GMDS: variants seen among roughly 807,000 people sequenced by gnomAD.
GMDS encodes GDP-mannose 4,6 dehydratase.
Under a neutral mutation model 49.9 loss-of-function variants are expected in GMDS, and 20 were observed. The observed-to-expected ratio is 0.40, with a 90% confidence interval of 0.28 to 0.58. GMDS has a LOEUF of 0.58. Ranked by LOEUF, GMDS falls within the 20% of genes least tolerant of loss-of-function variation. The pLI, the probability that GMDS is intolerant of heterozygous loss-of-function variation, is 0.42. For synonymous variants in GMDS, 177 were observed against 178.6 expected, an observed-to-expected ratio of 0.99 and a Z score of 0.07; for missense variants, 362 against 481.4, an observed-to-expected ratio of 0.75 and a Z score of 2.32.
intron 7 of GMDS, among the ~76,000 whole-genome samples, chr6:1,869,515 T>G (rs1581277540): frequency 6.6e-6 from 1 of 152,154 alleles, no homozygotes; most frequent in Admixed American, 6.5e-5. Context: ...GCTGTCAAGG[T>G]CTAGCTCCTG....
At chr6:1,737,696 A>C (rs1767063547) in intron 8 of GMDS, among the ~76,000 whole-genome samples, 1 of 150,044 alleles carries the variant, frequency 6.7e-6, no homozygotes, top group African/African-American at 2.5e-5. Context: ...ATACATACAC[A>C]CACACGCACA....
At chr6:2,071,461 T>G (rs1771992999) in intron 4 of GMDS, among the ~76,000 whole-genome samples, 1 of 152,022 alleles carries the variant, frequency 6.6e-6, no homozygotes, top group Non-Finnish European at 1.5e-5. Context: ...ATAAATTTCT[T>G]GAGAACAAAG....
chr6:1,828,239 A>C (rs1046405843), intron 7 of GMDS, among the ~76,000 whole-genome samples: 2 of 152,138 alleles, frequency 1.3e-5, no homozygotes, highest in Admixed American at 6.5e-5. Flanking sequence ...GAGTTTGAGA[A>C]ACAGAAAGAA....
intron 9 of GMDS, among the ~76,000 whole-genome samples, chr6:1,682,354 C>A (rs6930694): frequency 6.6e-6 from 1 of 152,092 alleles, no homozygotes; most frequent in Non-Finnish European, 1.5e-5. Flanking sequence ...CTGCCAACCC[C>A]CGCCTCCTCA....
At chr6:1,912,869 T>A (rs1233812855) in intron 7 of GMDS, among the ~76,000 whole-genome samples, 1 of 152,128 alleles carries the variant, frequency 6.6e-6, no homozygotes, top group Non-Finnish European at 1.5e-5. Context: ...TCTGAAAATG[T>A]GCCCAGTGAC....
At chr6:2,010,598 C>CCT (rs1767500363) in intron 4 of GMDS, among the ~76,000 whole-genome samples, 1 of 151,972 alleles carries the variant, frequency 6.6e-6, no homozygotes, top group African/African-American at 2.4e-5. Flanking sequence ...CAAACAAGAG[C>CCT]TGAAAAAATT....
chr6:1,864,555 C>T (rs1310623164), intron 7 of GMDS, among the ~76,000 whole-genome samples: 2 of 152,100 alleles, frequency 1.3e-5, no homozygotes, highest in African/African-American at 4.8e-5. Flanking sequence ...GGAAAGCAAA[C>T]CCATGATCCC....
chr6:1,640,627 A>G lies in GMDS; in HGVS notation c.988-16087T>C, dbSNP rs1763300551. ...TATAAACAGCAGGGCAGGCTGTCTC[A>G]GGTGTGGTTCCAGAGCACATGGAAT... is the stretch of plus-strand genomic sequence containing the variant. On this transcript the variant is annotated intron_variant, in intron 9 of 10. Transcript: ENST00000380815. The surrounding 1 kb of genome is among the most constrained non-coding windows in gnomAD (Gnocchi z 4.0). Among the ~76,000 whole-genome samples the G allele has an allele frequency of 1.3e-5, 2 of 152,306 alleles. No homozygotes were observed. Among genetic ancestry groups the G allele is most frequent in the South Asian group, 4.1e-4 (2 of 4,826 alleles).
chr6:2,063,602 G>A (rs771892037), intron 4 of GMDS, among the ~76,000 whole-genome samples: 32 of 152,204 alleles, frequency 2.1e-4, no homozygotes, highest in Non-Finnish European at 4.0e-4. Context: ...TAACACTACA[G>A]TTAAAACCTT....
At chr6:1,861,263 T>C (rs1430328138) in intron 7 of GMDS, among the ~76,000 whole-genome samples, 1 of 152,188 alleles carries the variant, frequency 6.6e-6, no homozygotes, top group Non-Finnish European at 1.5e-5. Context: ...TGAGTTAGTG[T>C]TCATTCTGGG....
intron 4 of GMDS, among the ~76,000 whole-genome samples, chr6:1,965,334 G>C (rs7763272): frequency 0.031 from 4,654 of 152,308 alleles, 236 homozygotes; most frequent in African/African-American, 0.11. Flanking sequence ...AAGGATGGTT[G>C]TGTGTTTGCA....
intron 9 of GMDS, among the ~76,000 whole-genome samples, chr6:1,707,516 T>TG (rs11418949): frequency 0.42 from 58,915 of 141,910 alleles, 15,030 homozygotes; most frequent in South Asian, 0.6. Context: ...AGCAACCAGA[T>TG]GGAGGTGGGC....
intron 9 of GMDS, among the ~76,000 whole-genome samples, chr6:1,718,967 T>TA (rs1766270694): frequency 6.6e-6 from 1 of 152,258 alleles, no homozygotes; most frequent in Non-Finnish European, 1.5e-5. Flanking sequence ...TGGATATTGT[T>TA]ACACCAGGTT....
intron 4 of GMDS, among the ~76,000 whole-genome samples, chr6:2,097,794 C>T (rs1001992823): frequency 4.6e-5 from 7 of 152,004 alleles, no homozygotes; most frequent in African/African-American, 1.7e-4. Context: ...AGGATCTTCT[C>T]GTAGCAAGGC....
chr6:1,762,223 T>A (rs901628149), intron 7 of GMDS, among the ~76,000 whole-genome samples: 1 of 152,150 alleles, frequency 6.6e-6, no homozygotes, highest in Non-Finnish European at 1.5e-5. Context: ...AGTTGAAGAG[T>A]CCATAACCAG....
At chr6:1,772,148 T>C (rs1768604285) in intron 7 of GMDS, among the ~76,000 whole-genome samples, 1 of 152,222 alleles carries the variant, frequency 6.6e-6, no homozygotes, top group African/African-American at 2.4e-5. Flanking sequence ...TCTCATGCTA[T>C]TTTCAGTTAC....
At chr6:2,067,437 A>G (rs1246621797) in intron 4 of GMDS, among the ~76,000 whole-genome samples, 4 of 151,890 alleles carry the variant, frequency 2.6e-5, no homozygotes, top group African/African-American at 9.7e-5. Flanking sequence ...AAGGAAATAG[A>G]GACACAAAAA....
chr6:1,880,284 CAAA>C (rs34490393), intron 7 of GMDS, among the ~76,000 whole-genome samples: 2 of 59,124 alleles, frequency 3.4e-5, no homozygotes. Context: ...CTCATTTCCA[CAAA>C]AAAAAAAAAA....
intron 9 of GMDS, among the ~76,000 whole-genome samples, chr6:1,720,579 C>T (rs1419352053): frequency 6.6e-6 from 1 of 152,206 alleles, no homozygotes; most frequent in African/African-American, 2.4e-5. Context: ...TTCCACACTA[C>T]TGTGGTCCAA....
Sources: gnomAD v4.1 joint callset for allele counts (sites outside exome capture counted in the v4.1 genomes callset) on GRCh38, gnomAD v4.1.1 for gene constraint, Gnocchi (gnomAD v3.1) non-coding constraint, MANE v1.5 for transcripts, NCBI Gene and HGNC (gene_info 2026-07-23, HGNC 2026-07-21) for gene names.